ZMYM5: variants seen among roughly 807,000 people sequenced by gnomAD.
The protein encoded by ZMYM5 is zinc finger MYM-type containing 5.
In ZMYM5, 41 loss-of-function variants were observed where a neutral mutation model predicts 61.8. That is an observed-to-expected ratio of 0.66 (90% CI 0.52 to 0.86). The LOEUF is 0.86. ZMYM5 is among the 40% of genes least tolerant of loss of function. The pLI is 0.00. For synonymous variants in ZMYM5, 257 were observed against 276.4 expected, an observed-to-expected ratio of 0.93 and a Z score of 0.70; for missense variants, 706 against 786.7, an observed-to-expected ratio of 0.90 and a Z score of 1.23.
Position 19,824,929 on chromosome 13 carries a change from C to CGGAAAGCACAACTGGTACAAT in ZMYM5, c.1537_1557dup (p.Ile513_Ser519dup), listed in dbSNP as rs770084969. ...ATTCGGGGCCACGTACCTGGATCTG[C>CGGAAAGCACAACTGGTACAAT]GGAAAGCACAACTGGTACAATGGAG... On this transcript the variant is annotated inframe_insertion, in exon 8 of 8. Transcript: ENST00000337963. 5.9e-6 allele frequency: 8 copies of CGGAAAGCACAACTGGTACAAT among 1,362,732 alleles called. No homozygotes were observed. The East Asian group carries it at 3.6e-4, about 62-fold the overall frequency. 84.4% of individuals were successfully genotyped at this position (1,362,732 alleles called of 1,614,324 possible). A position where few individuals can be genotyped will look rare whatever the true frequency, so the allele number is the denominator to read the frequency against.
In ZMYM5 at chr13:19,844,258, C is replaced by T. The variant is rs996503984; in HGVS notation, c.587-5273G>A. Among the ~76,000 whole-genome samples the T allele has an allele frequency of 2.0e-5, 3 of 151,946 alleles. 1 individual carries two copies. Among genetic ancestry groups the T allele is most frequent in the South Asian group, 4.1e-4 (2 of 4,820 alleles). The stretch of plus-strand genomic sequence containing the variant: ...CCGGGAGGTGGAGGTTGCAGTGAGC[C>T]GAGAATGTGCCACTGCACTCCAGCC... On this transcript the variant is annotated intron_variant, in intron 4 of 7. Coordinates refer to ENST00000337963, the MANE Select transcript of ZMYM5 (RefSeq NM_001142684.2).
chr13:19,830,790 C>T (rs920909348), intron 7 of ZMYM5, among the ~76,000 whole-genome samples: 8 of 151,476 alleles, frequency 5.3e-5, no homozygotes, highest in African/African-American at 1.5e-4. Flanking sequence ...CCTCCACAGG[C>T]ATGAGACACC....
intron 7 of ZMYM5, among the ~76,000 whole-genome samples, chr13:19,834,128 CA>C (rs1315239847): frequency 6.6e-6 from 1 of 151,202 alleles, no homozygotes; most frequent in African/African-American, 2.4e-5. Context: ...AGGTGCCAGC[CA>C]CCATGCCCGG....
chr13:19,843,872 C>T (rs1358671143), intron 4 of ZMYM5, among the ~76,000 whole-genome samples: 28 of 146,080 alleles, frequency 1.9e-4, no homozygotes, highest in Admixed American at 1.4e-3. Context: ...CGGTGGCTCA[C>T]GCCTGTAATC....
intron 1 of ZMYM5, 66 bp downstream of exon 1, chr13:19,863,384 G>A (rs1356543329): frequency 2.6e-5 from 4 of 151,262 alleles, no homozygotes; most frequent in African/African-American, 9.6e-5. Context: ...GCGCCGCGGG[G>A]TATTAATCCC....
chr13:19,844,552 G>T (rs900170693), intron 4 of ZMYM5, among the ~76,000 whole-genome samples: 2 of 152,168 alleles, frequency 1.3e-5, no homozygotes, highest in Non-Finnish European at 2.9e-5. Context: ...AAATTATGAT[G>T]ATACCACCTT....
At chr13:19,844,257 C>T (rs933948246) in intron 4 of ZMYM5, among the ~76,000 whole-genome samples, 1 of 152,020 alleles carries the variant, frequency 6.6e-6, no homozygotes, top group African/African-American at 2.4e-5. Flanking sequence ...TTGCAGTGAG[C>T]CGAGAATGTG....
chr13:19,828,659 G>A (rs1219965575), intron 7 of ZMYM5, among the ~76,000 whole-genome samples: 1 of 152,182 alleles, frequency 6.6e-6, no homozygotes, highest in African/African-American at 2.4e-5. Context: ...AAAAGATGAT[G>A]TTAGCTATGT....
intron 2 of ZMYM5, 115 bp from the exon 3 acceptor site, chr13:19,852,305 C>A: frequency 8.6e-7 from 1 of 1,156,864 alleles, no homozygotes; most frequent in East Asian, 2.5e-5. Flanking sequence ...ACCTGATATC[C>A]ATTTTGTTTT....
intron 4 of ZMYM5, among the ~76,000 whole-genome samples, chr13:19,842,552 C>T (rs893929428): frequency 6.6e-6 from 1 of 150,412 alleles, no homozygotes; most frequent in East Asian, 1.9e-4. Flanking sequence ...ATACTAAAAA[C>T]GGACTTCTTT....
At position 19,849,896 on chromosome 13, in the gene ZMYM5, A is replaced by C. The variant is rs149960207; in HGVS notation, c.586+1459T>G. On this transcript the variant is annotated intron_variant, in intron 4 of 7. Transcript: ENST00000337963. Reference sequence around the variant, plus strand: ...CTCGGAAGGCTGAGGCCCGGGGATCACTTGAACCCAGGAGGCAGAGGTTGC... The same window carrying C: ...CTCGGAAGGCTGAGGCCCGGGGATCCCTTGAACCCAGGAGGCAGAGGTTGC... 1.8e-3 allele frequency among the ~76,000 whole-genome samples: 267 copies of C among 151,908 alleles called. 1 individual carries two copies. The highest frequency in any genetic ancestry group is 6.6e-3 in the Admixed American group (101 of 15,254).
At chr13:19,830,182 C>T (rs925837619) in intron 7 of ZMYM5, among the ~76,000 whole-genome samples, 6 of 152,062 alleles carry the variant, frequency 3.9e-5, no homozygotes, top group Admixed American at 1.3e-4. Flanking sequence ...CATTTTATGA[C>T]GTGTATGTTA....
At chr13:19,848,307 G>T (rs1953157348) in intron 4 of ZMYM5, among the ~76,000 whole-genome samples, 1 of 151,888 alleles carries the variant, frequency 6.6e-6, no homozygotes, top group Non-Finnish European at 1.5e-5. Context: ...TTGAGACCGG[G>T]TCTCACTCTA....
At chr13:19,856,745 A>C (rs545087036) in intron 2 of ZMYM5, among the ~76,000 whole-genome samples, 1 of 151,966 alleles carries the variant, frequency 6.6e-6, no homozygotes, top group Admixed American at 6.6e-5. Context: ...GGGAGGTAGA[A>C]GTTGCAGTGA....
At position 19,825,009 on chromosome 13, in the gene ZMYM5, G is replaced by A. The variant is rs1323359238; in HGVS notation, c.1478C>T (p.Thr493Met). Residue 493 changes from threonine (T) to methionine (M), a missense_variant, in exon 8 of 8, where the codon ACG becomes ATG. Physicochemically the swap from Thr to Met is moderately conservative, Grantham distance 81. Transcript: ENST00000337963. ...TTGAAATGTATCAGCTATGGTTGAC[G>A]TGGAAGAAGGAGGTAAATTCACATT... ...QENVNLPPSS[T>M]STIADTFQEQ... is the part of the protein sequence containing the mutation. 4 of 1,367,396 alleles carry A rather than the reference G, an allele frequency of 2.9e-6. No individual in the cohort carries two copies. Among genetic ancestry groups the A allele is most frequent in the African/African-American group, 1.5e-5 (1 of 67,738 alleles). 84.7% of individuals were successfully genotyped at this position (1,367,396 alleles called of 1,614,324 possible).
At chr13:19,833,336 A>C (rs1952582940) in intron 7 of ZMYM5, among the ~76,000 whole-genome samples, 1 of 152,178 alleles carries the variant, frequency 6.6e-6, no homozygotes, top group South Asian at 2.1e-4. Context: ...AAAGGGGTCA[A>C]GGCTCATTTA....
chr13:19,859,235 C>A (rs926435084), intron 2 of ZMYM5, among the ~76,000 whole-genome samples: 1 of 152,138 alleles, frequency 6.6e-6, no homozygotes, highest in African/African-American at 2.4e-5. Context: ...TCTTTCTGAG[C>A]AAGACTCTTC....
At chr13:19,846,423 G>C (rs1376947703) in intron 4 of ZMYM5, among the ~76,000 whole-genome samples, 1 of 152,042 alleles carries the variant, frequency 6.6e-6, no homozygotes, top group African/African-American at 2.4e-5. Flanking sequence ...ACTCAAAAGA[G>C]TTCATCACTT....
chr13:19,852,808 T>C (rs986077991), intron 2 of ZMYM5, among the ~76,000 whole-genome samples: 4 of 152,206 alleles, frequency 2.6e-5, no homozygotes, highest in Non-Finnish European at 4.4e-5. Context: ...ACTAAATTGT[T>C]CCACATAACA....
Sources: allele counts gnomAD v4.1 joint callset (sites outside exome capture counted in the v4.1 genomes callset), GRCh38; gene constraint gnomAD v4.1.1; transcripts MANE v1.5; gene names NCBI Gene and HGNC (gene_info 2026-07-23, HGNC 2026-07-21).